Variants in REV1 observed in about 807,000 individuals in gnomAD.
The protein encoded by REV1 is REV1 DNA directed polymerase, also known as translesion synthesis protein REV1.
In REV1, 42 loss-of-function variants were observed where a neutral mutation model predicts 137.4. The observed-to-expected ratio is 0.31, with a 90% confidence interval of 0.24 to 0.40. The LOEUF (loss-of-function observed/expected upper bound fraction) is 0.40. REV1 is among the 10% of genes least tolerant of loss of function. The probability of loss-of-function intolerance (pLI) is 1.00; values close to 1 mark genes in which losing one functional copy is unlikely to be tolerated. For synonymous variants in REV1, 524 were observed against 519.2 expected, an observed-to-expected ratio of 1.01 and a Z score of -0.12; for missense variants, 1,282 against 1,490.1, an observed-to-expected ratio of 0.86 and a Z score of 2.30.
Position 99,461,021 on chromosome 2 carries a change from C to T in REV1, c.181+1475G>A, listed in dbSNP as rs573434285. On this transcript the variant is annotated intron_variant, in intron 3 of 22. Coordinates refer to ENST00000258428, the MANE Select transcript of REV1 (RefSeq NM_016316.4). ...TGACTGGCTAATGTAAGAAGCAATG[C>T]CTGTTTTCATTAACGTTTTAATTTT... Among the ~76,000 whole-genome samples the T allele has an allele frequency of 2.0e-5, 3 of 151,436 alleles. No homozygotes were observed. In the East Asian group the frequency reaches 5.8e-4, roughly 29 times the overall value.
intron 12 of REV1, among the ~76,000 whole-genome samples, chr2:99,416,390 C>T (rs1677860892): frequency 6.6e-6 from 1 of 152,198 alleles, no homozygotes; most frequent in African/African-American, 2.4e-5. Flanking sequence ...CTGTGGAACA[C>T]ACTTCAGGAC....
chr2:99,437,368 C>T (rs1360823558), intron 6 of REV1, among the ~76,000 whole-genome samples: 2 of 152,084 alleles, frequency 1.3e-5, no homozygotes, highest in Admixed American at 6.6e-5. Context: ...AACTAAGACT[C>T]GGAGAGGTGA....
At chr2:99,412,649 G>A (rs536373406) in intron 13 of REV1, 82 bp downstream of exon 13, 364 of 1,052,376 alleles carry the variant, frequency 3.5e-4, no homozygotes, top group Non-Finnish European at 5.0e-4. Flanking sequence ...AGCATTGAGG[G>A]TCTAATGGTT....
At chr2:99,461,988 G>C (rs1435450000) in intron 3 of REV1, among the ~76,000 whole-genome samples, 3 of 152,188 alleles carry the variant, frequency 2.0e-5, no homozygotes, top group Non-Finnish European at 4.4e-5. Context: ...AATGAATAGA[G>C]AGACTAAGTG....
intron 7 of REV1, chr2:99,435,601 T>C (rs1239980401): frequency 1.6e-5 from 5 of 310,394 alleles, no homozygotes; most frequent in African/African-American, 4.4e-5. Flanking sequence ...ACATTAGTCT[T>C]CGATGACATA....
At chr2:99,476,091 C>T (rs1229647838) in intron 1 of REV1, among the ~76,000 whole-genome samples, 3 of 152,236 alleles carry the variant, frequency 2.0e-5, no homozygotes, top group African/African-American at 7.2e-5. Flanking sequence ...GTAACTTTTT[C>T]TATGCTTGCC....
intron 12 of REV1, among the ~76,000 whole-genome samples, chr2:99,418,596 A>G (rs1678209329): frequency 6.6e-6 from 1 of 152,236 alleles, no homozygotes; most frequent in Non-Finnish European, 1.5e-5. Flanking sequence ...AGAAATACCT[A>G]AAGTAAAACT....
intron 13 of REV1, 33 bp from the exon 14 acceptor site, chr2:99,410,900 T>G: frequency 6.5e-7 from 1 of 1,544,724 alleles, no homozygotes; most frequent in Non-Finnish European, 8.7e-7. Flanking sequence ...AAACTACCAT[T>G]CCACTTTCCT....
chr2:99,484,113 C>T (rs1182865871), intron 1 of REV1, among the ~76,000 whole-genome samples: 5 of 152,162 alleles, frequency 3.3e-5, no homozygotes, highest in Non-Finnish European at 1.5e-5. Flanking sequence ...CCTTAGCAAA[C>T]TAACACACGA....
chr2:99,401,775 ATTTT>A (rs28745280), intron 22 of REV1, among the ~76,000 whole-genome samples: 58 of 151,538 alleles, frequency 3.8e-4, no homozygotes, highest in Non-Finnish European at 7.1e-4. Context: ...GAACACTCAA[ATTTT>A]TTTTTATTTT....
chr2:99,404,439 C>T lies in REV1; in HGVS notation c.3045+5G>A, dbSNP rs1675983240. 6.2e-7 allele frequency: 1 copy of T among 1,610,244 alleles called. No individual in the cohort carries two copies. ...TACAGCAGAGGGTTCCCATATTTAACTTACCTGTGAAAATGCTGGAAGGGC... is the reference window on the plus strand; with the variant it reads ...TACAGCAGAGGGTTCCCATATTTAATTTACCTGTGAAAATGCTGGAAGGGC... On this transcript the variant is annotated splice_donor_5th_base_variant and intron_variant, in intron 18 of 22. Coordinates refer to ENST00000258428, the MANE Select transcript of REV1 (RefSeq NM_016316.4).
rs1410204566 is a variant in REV1, at chr2:99,424,159, A to G, written c.1669T>C (p.Leu557=). 4 of 1,613,744 alleles carry G rather than the reference A, an allele frequency of 2.5e-6. No individual in the cohort carries two copies. The highest frequency in any genetic ancestry group is 3.4e-6 in the Non-Finnish European group (4 of 1,179,858). ...CAGTTTGATACACTGTACCTTGCCAATGTTTCATACAATGTTTGTGCGACT... is the reference window on the plus strand; with the variant it reads ...CAGTTTGATACACTGTACCTTGCCAGTGTTTCATACAATGTTTGTGCGACT... ...KEVAQTLYET[L]ASYTHNIEAV... is the part of the protein sequence containing the mutation. The change falls in exon 10 of 23, where the codon TTG becomes CTG. Residue 557 remains leucine (L), a synonymous_variant. Transcript: ENST00000258428.
In REV1 at chr2:99,484,693, A is replaced by T. The variant is rs1459809642; in HGVS notation, c.-11+5124T>A. ...AAGTATAGTAGTAGTAGTTAAATCT[A>T]AAAAAAAAACAAAAAATTAGCCATA... is the stretch of plus-strand genomic sequence containing the variant. On this transcript the variant is annotated intron_variant, in intron 1 of 22. Coordinates refer to ENST00000258428, the MANE Select transcript of REV1 (RefSeq NM_016316.4). Among the ~76,000 whole-genome samples the T allele has an allele frequency of 7.7e-5, 11 of 143,084 alleles. No homozygotes were observed. The South Asian group carries it at 1.5e-3, about 19-fold the overall frequency. 93.9% of individuals were successfully genotyped at this position (143,084 alleles called of 152,430 possible). A position where few individuals can be genotyped will look rare whatever the true frequency, so the allele number is the denominator to read the frequency against.
At chr2:99,476,984 C>T (rs1223355578) in intron 1 of REV1, among the ~76,000 whole-genome samples, 7 of 152,192 alleles carry the variant, frequency 4.6e-5, no homozygotes, top group Non-Finnish European at 8.8e-5. Flanking sequence ...AAAGCCCTTT[C>T]AGGAGTTCTT....
chr2:99,441,319 C>T (rs1405417824), intron 5 of REV1, among the ~76,000 whole-genome samples: 1 of 151,444 alleles, frequency 6.6e-6, no homozygotes, highest in East Asian at 1.9e-4. Context: ...CTGGTGTTTT[C>T]GAAAAAAAAT....
rs571758529 is a variant in REV1 at position 99,429,475 on chromosome 2, A to G, written c.1547+365T>C. On this transcript the variant is annotated intron_variant, in intron 9 of 22. Coordinates refer to ENST00000258428, the MANE Select transcript of REV1 (RefSeq NM_016316.4). ...AGTATCAGGAAGTATGGATTACAAG[A>G]TTTTTTCTTAGCAATAAAAACAAAA... Among the ~76,000 whole-genome samples the G allele has an allele frequency of 1.9e-4, 29 of 152,290 alleles. No individual in the cohort carries two copies. The South Asian group carries it at 6.0e-3, about 32-fold the overall frequency.
chr2:99,441,738 A>G (rs374443198), intron 5 of REV1, among the ~76,000 whole-genome samples: 19 of 152,356 alleles, frequency 1.2e-4, no homozygotes, highest in African/African-American at 4.1e-4. Flanking sequence ...AAAATCCATG[A>G]AAAAACTTAT....
chr2:99,430,691 T>C (rs1281853161), intron 8 of REV1, among the ~76,000 whole-genome samples: 1 of 152,182 alleles, frequency 6.6e-6, no homozygotes, highest in African/African-American at 2.4e-5. Context: ...TTTACAACTT[T>C]ACACAAGAAA....
intron 14 of REV1, among the ~76,000 whole-genome samples, chr2:99,409,809 C>T (rs1418431448): frequency 6.7e-6 from 1 of 149,858 alleles, no homozygotes; most frequent in Non-Finnish European, 1.5e-5. Context: ...CACCACTGCC[C>T]TCAGGCCTGG....
Sources: allele counts gnomAD v4.1 joint callset (sites outside exome capture counted in the v4.1 genomes callset), GRCh38; gene constraint gnomAD v4.1.1; transcripts MANE v1.5; gene names NCBI Gene and HGNC (gene_info 2026-07-23, HGNC 2026-07-21).